SPIDR: variants seen among roughly 807,000 people sequenced by gnomAD.
SPIDR encodes scaffold protein involved in DNA repair.
Under a neutral mutation model 104.6 loss-of-function variants are expected in SPIDR, and 93 were observed. That is an observed-to-expected ratio of 0.89 (90% CI 0.75 to 1.06). SPIDR has a LOEUF of 1.06. Among genes scored for constraint, SPIDR ranks in the 50% least tolerant of loss-of-function variants. The pLI, the probability that SPIDR is intolerant of heterozygous loss-of-function variation, is 0.00. For synonymous variants in SPIDR, 431 were observed against 416.9 expected (o/e 1.03, Z -0.41); for missense variants, 1,154 against 1,111.2 (o/e 1.04, Z -0.55).
intron 8 of SPIDR, among the ~76,000 whole-genome samples, chr8:47,564,189 C>T (rs111372802): frequency 0.018 from 2,745 of 150,884 alleles, 85 homozygotes; most frequent in African/African-American, 0.064. Context: ...AGCGACTCTC[C>T]TTCCTCAGCC....
intron 16 of SPIDR, among the ~76,000 whole-genome samples, chr8:47,721,903 T>C (rs2083453891): frequency 6.6e-6 from 1 of 152,202 alleles, no homozygotes. Flanking sequence ...ATCAGTTTGT[T>C]GATATCCACA....
At chr8:47,505,624 G>C (rs748661073) in intron 8 of SPIDR, among the ~76,000 whole-genome samples, 1 of 152,174 alleles carries the variant, frequency 6.6e-6, no homozygotes, top group South Asian at 2.1e-4. Context: ...CTCATGCTCG[G>C]TCCGCTGCGC....
At chr8:47,396,852 T>G (rs1412618226) in intron 6 of SPIDR, among the ~76,000 whole-genome samples, 1 of 152,166 alleles carries the variant, frequency 6.6e-6, no homozygotes, top group Non-Finnish European at 1.5e-5. Context: ...TTATTGAGAG[T>G]CAGTGTTCTA....
intron 8 of SPIDR, among the ~76,000 whole-genome samples, chr8:47,538,555 CAAAG>C (rs1311115788): frequency 2.0e-5 from 3 of 151,928 alleles, no homozygotes; most frequent in Admixed American, 2.0e-4. Context: ...AAAAAAAGAA[CAAAG>C]TAAGTAAATT....
rs901387707 is a variant in SPIDR at position 47,286,953 on chromosome 8, G to A, written c.256+2859G>A. On this transcript the variant is annotated intron_variant, in intron 3 of 19. Transcript: ENST00000297423. The stretch of plus-strand genomic sequence containing the variant: ...TGTCTCTTAAGTATTGGGGGAACCC[G>A]CCCCCAATATTTCAACGTAGGTTCT... Among the ~76,000 whole-genome samples the A allele has an allele frequency of 3.3e-5, 5 of 152,138 alleles. No homozygotes were observed. In the South Asian group the frequency reaches 6.2e-4, roughly 19 times the overall value.
At chr8:47,434,787 A>G (rs2067983072) in intron 7 of SPIDR, among the ~76,000 whole-genome samples, 1 of 152,044 alleles carries the variant, frequency 6.6e-6, no homozygotes, top group Non-Finnish European at 1.5e-5. Context: ...TTGTATAGTT[A>G]TTTGTTATAC....
intron 14 of SPIDR, among the ~76,000 whole-genome samples, chr8:47,703,558 T>C (rs908846883): frequency 6.6e-6 from 1 of 152,252 alleles, no homozygotes; most frequent in Non-Finnish European, 1.5e-5. Context: ...AGCAGCCATG[T>C]TGTCATTCAC....
intron 8 of SPIDR, among the ~76,000 whole-genome samples, chr8:47,488,594 A>C (rs2078109418): frequency 6.6e-6 from 1 of 152,238 alleles, no homozygotes; most frequent in East Asian, 1.9e-4. Flanking sequence ...TTGATTCAAA[A>C]ATCCTCAGTA....
chr8:47,360,551 C>G (rs1444016435), intron 5 of SPIDR, among the ~76,000 whole-genome samples: 1 of 152,118 alleles, frequency 6.6e-6, no homozygotes, highest in Non-Finnish European at 1.5e-5. Context: ...GCTTAGAGGG[C>G]TCTGTTTGAC....
rs79653553 is a variant in SPIDR, at chr8:47,660,252, A to C, written c.1545-13549A>C. Among the ~76,000 whole-genome samples, 49 of 152,348 alleles carry C rather than the reference A, an allele frequency of 3.2e-4. 1 individual carries two copies. The East Asian group carries it at 9.1e-3, about 28-fold the overall frequency. On this transcript the variant is annotated intron_variant, in intron 10 of 19. Coordinates refer to ENST00000297423, the MANE Select transcript of SPIDR (RefSeq NM_001080394.4). The stretch of plus-strand genomic sequence containing the variant: ...GTTTTTGAAATACTCTTTAATTGGC[A>C]TAATGGACATTAAGTTGGTAAGAAA...
At chr8:47,624,581 A>G (rs1373431633) in intron 10 of SPIDR, among the ~76,000 whole-genome samples, 2 of 152,212 alleles carry the variant, frequency 1.3e-5, no homozygotes, top group Non-Finnish European at 2.9e-5. Flanking sequence ...CAGAAATACA[A>G]ACTACCATCA....
At chr8:47,493,736 TCTTTAAGAATA>T (rs1437233253) in intron 8 of SPIDR, among the ~76,000 whole-genome samples, 1 of 152,154 alleles carries the variant, frequency 6.6e-6, no homozygotes, top group Non-Finnish European at 1.5e-5. Context: ...TAGTGACAAT[TCTTTAAGAATA>T]CTTTTGCATC....
intron 10 of SPIDR, among the ~76,000 whole-genome samples, chr8:47,653,782 T>A (rs1330593716): frequency 6.6e-6 from 1 of 151,834 alleles, no homozygotes; most frequent in Non-Finnish European, 1.5e-5. Flanking sequence ...ATTCCTGCCT[T>A]CAAGAAACTT....
chr8:47,669,984 G>A (rs897055301), intron 10 of SPIDR, among the ~76,000 whole-genome samples: 1 of 152,152 alleles, frequency 6.6e-6, no homozygotes, highest in Non-Finnish European at 1.5e-5. Flanking sequence ...TGGCAACAGA[G>A]TGAGACTCTG....
intron 7 of SPIDR, among the ~76,000 whole-genome samples, chr8:47,415,700 G>A (rs575839779): frequency 1.8e-4 from 28 of 152,298 alleles, no homozygotes; most frequent in East Asian, 3.9e-4. Context: ...CTGCCAGAGC[G>A]TTGATCTTGG....
chr8:47,342,105 A>C (rs2050865683), intron 5 of SPIDR, among the ~76,000 whole-genome samples: 1 of 152,078 alleles, frequency 6.6e-6, no homozygotes, highest in Non-Finnish European at 1.5e-5. Context: ...TTGTACTAAG[A>C]TTTAGTATGG....
chr8:47,661,154 A>T (rs902477575), intron 10 of SPIDR, among the ~76,000 whole-genome samples: 2 of 152,248 alleles, frequency 1.3e-5, no homozygotes, highest in Non-Finnish European at 1.5e-5. Flanking sequence ...AATTCACTTG[A>T]CGGACTGTTA....
intron 7 of SPIDR, among the ~76,000 whole-genome samples, chr8:47,419,736 G>T (rs1160262434): frequency 1.3e-5 from 2 of 151,978 alleles, no homozygotes; most frequent in African/African-American, 4.8e-5. Context: ...GATCTTTCCT[G>T]CTTTCTCTTG....
At chr8:47,474,113 C>G (rs2076031738) in intron 8 of SPIDR, among the ~76,000 whole-genome samples, 1 of 152,114 alleles carries the variant, frequency 6.6e-6, no homozygotes, top group Admixed American at 6.5e-5. Flanking sequence ...TATCTAGAAT[C>G]CCTTCAGCAT....
Sources: gnomAD v4.1 joint callset for allele counts (sites outside exome capture counted in the v4.1 genomes callset) on GRCh38, gnomAD v4.1.1 for gene constraint, MANE v1.5 for transcripts, NCBI Gene and HGNC (gene_info 2026-07-23, HGNC 2026-07-21) for gene names.